Variants in MYO6 observed in about 807,000 individuals in gnomAD.
MYO6 encodes myosin VI.
A neutral mutation model predicts 178.7 loss-of-function variants in MYO6; 74 were observed. That is an observed-to-expected ratio of 0.41 (90% CI 0.34 to 0.50). MYO6 has a LOEUF of 0.50. MYO6 is among the 20% of genes least tolerant of loss of function. The pLI is 0.09. For missense variants in MYO6, 1,330 were observed against 1,547.4 expected (o/e 0.86, Z 2.36); for synonymous variants, 477 against 504.6 (o/e 0.95, Z 0.73).
At chr6:75,869,414 A>G (rs1776959291) in intron 18 of MYO6, among the ~76,000 whole-genome samples, 1 of 152,164 alleles carries the variant, frequency 6.6e-6, no homozygotes, top group African/African-American at 2.4e-5. Flanking sequence ...AACCTCGGGC[A>G]AGTTATTTAT....
intron 30 of MYO6, among the ~76,000 whole-genome samples, chr6:75,902,570 C>T (rs541094040): frequency 2.0e-4 from 31 of 152,064 alleles, no homozygotes; most frequent in Admixed American, 4.6e-4. Context: ...TCGGTGGTGA[C>T]ATCCCCTTTA....
intron 1 of MYO6, among the ~76,000 whole-genome samples, chr6:75,759,866 C>A (rs1777798710): frequency 6.6e-6 from 1 of 152,158 alleles, no homozygotes; most frequent in Non-Finnish European, 1.5e-5. Context: ...GAAACATAAT[C>A]TAGGTCTGTT....
intron 1 of MYO6, among the ~76,000 whole-genome samples, chr6:75,805,398 C>T (rs902853157): frequency 5.3e-5 from 8 of 152,082 alleles, no homozygotes; most frequent in Admixed American, 3.9e-4. Context: ...TCTGCCTATT[C>T]TGCCTGTAGT....
At chr6:75,846,202 A>G (rs1774717300) in intron 10 of MYO6, among the ~76,000 whole-genome samples, 1 of 151,936 alleles carries the variant, frequency 6.6e-6, no homozygotes, top group Admixed American at 6.6e-5. Flanking sequence ...TTAATAAGTG[A>G]TATTAAGTTA....
rs1295810562 is a variant in MYO6 at position 75,887,817 on chromosome 6, C to CA, written c.2658+835dup. 6.6e-3 allele frequency among the ~76,000 whole-genome samples: 861 copies of CA among 130,464 alleles called. 8 individuals carry two copies. Among genetic ancestry groups the CA allele is most frequent in the African/African-American group, 0.017 (595 of 35,334 alleles). 85.6% of individuals were successfully genotyped at this position (130,464 alleles called of 152,430 possible). ...TGAAACCTTGTCTCTACTAAAAATA[C>CA]AAAAAAAAAAAATTAGCCAGGCGTG... On this transcript the variant is annotated intron_variant, in intron 25 of 34. Transcript: ENST00000369977.
At chr6:75,783,399 A>T (rs1767186830) in intron 1 of MYO6, among the ~76,000 whole-genome samples, 4 of 152,176 alleles carry the variant, frequency 2.6e-5, no homozygotes, top group Admixed American at 6.5e-5. Context: ...GGAAATTAGG[A>T]CGTCGAAGTA....
intron 1 of MYO6, among the ~76,000 whole-genome samples, chr6:75,762,854 A>G (rs1245882222): frequency 1.3e-5 from 2 of 152,172 alleles, no homozygotes; most frequent in Non-Finnish European, 2.9e-5. Flanking sequence ...GTATTCCTGT[A>G]AAGTTTTATG....
At position 75,802,333 on chromosome 6, in the gene MYO6, G is replaced by C. The variant is rs773422572; in HGVS notation, c.-47-15168G>C. Among the ~76,000 whole-genome samples the C allele has an allele frequency of 5.7e-4, 87 of 151,946 alleles. 1 individual carries two copies. The highest frequency in any genetic ancestry group is 4.6e-4 in the Non-Finnish European group (31 of 67,994). On this transcript the variant is annotated intron_variant, in intron 1 of 34. Coordinates refer to ENST00000369977, the MANE Select transcript of MYO6 (RefSeq NM_004999.4). ...AAAATACAAAAATTAGCTGGGCGTG[G>C]TAGCGCGTGCCTGTAATCCCAGCTA...
chr6:75,796,629 C>CT (rs143090177), intron 1 of MYO6, among the ~76,000 whole-genome samples: 5,887 of 132,422 alleles, frequency 0.044, 159 homozygotes, highest in Middle Eastern at 0.061. Flanking sequence ...TGACTCCCAT[C>CT]TTTTTTTTTT....
At chr6:75,896,142 A>G (rs1779284644) in intron 29 of MYO6, among the ~76,000 whole-genome samples, 2 of 152,188 alleles carry the variant, frequency 1.3e-5, no homozygotes, top group African/African-American at 4.8e-5. Context: ...CTTTATTTTA[A>G]CAGCTTTAAG....
intron 28 of MYO6, among the ~76,000 whole-genome samples, chr6:75,894,178 C>T (rs1332905583): frequency 6.6e-6 from 1 of 152,160 alleles, no homozygotes; most frequent in Admixed American, 6.5e-5. Flanking sequence ...AGTGCCATTC[C>T]ATATACTGTA....
chr6:75,840,159 ATTT>A (rs71002767), intron 7 of MYO6, among the ~76,000 whole-genome samples: 2 of 131,870 alleles, frequency 1.5e-5, no homozygotes. Context: ...CTTCATGTTA[ATTT>A]TTTTTTTTTT....
chr6:75,786,702 C>G (rs923668076), intron 1 of MYO6, among the ~76,000 whole-genome samples: 1 of 152,196 alleles, frequency 6.6e-6, no homozygotes, highest in African/African-American at 2.4e-5. Flanking sequence ...CCAGATTTCT[C>G]AGATGAACAC....
chr6:75,907,755 G>C, intron 31 of MYO6, 47 bp downstream of exon 31: 1 of 1,430,600 alleles, frequency 7.0e-7, no homozygotes, highest in Non-Finnish European at 9.8e-7. Flanking sequence ...CATAGTGATA[G>C]GTGATAAATA....
intron 30 of MYO6, among the ~76,000 whole-genome samples, chr6:75,904,835 T>C (rs147050713): frequency 0.23 from 34,739 of 152,198 alleles, 5,173 homozygotes; most frequent in Middle Eastern, 0.39. Context: ...TTTTCTGCTC[T>C]GTTTCTTCCC....
chr6:75,832,363 A>G (rs1050752383), intron 5 of MYO6, among the ~76,000 whole-genome samples: 5 of 152,354 alleles, frequency 3.3e-5, no homozygotes, highest in African/African-American at 1.2e-4. Flanking sequence ...AAATGTTGAC[A>G]AATTCTAAAT....
At chr6:75,776,299 A>T (rs1766378207) in intron 1 of MYO6, among the ~76,000 whole-genome samples, 1 of 152,250 alleles carries the variant, frequency 6.6e-6, no homozygotes, top group Non-Finnish European at 1.5e-5. Flanking sequence ...CATCCTATCA[A>T]CATAAAATTT....
At chr6:75,756,997 CAT>C (rs1222648128) in intron 1 of MYO6, among the ~76,000 whole-genome samples, 1 of 129,636 alleles carries the variant, frequency 7.7e-6, no homozygotes, top group African/African-American at 2.9e-5. Context: ...TGTATACACA[CAT>C]ATATAGTGTG....
At chr6:75,759,968 T>A (rs899266953) in intron 1 of MYO6, among the ~76,000 whole-genome samples, 3 of 152,222 alleles carry the variant, frequency 2.0e-5, no homozygotes, top group Non-Finnish European at 4.4e-5. Context: ...ATGGAATACA[T>A]GTTTCTTTCA....
Sources: gnomAD v4.1 joint callset for allele counts (sites outside exome capture counted in the v4.1 genomes callset) on GRCh38, gnomAD v4.1.1 for gene constraint, MANE v1.5 for transcripts, NCBI Gene and HGNC (gene_info 2026-07-23, HGNC 2026-07-21) for gene names.